Variants in ESD observed in about 807,000 individuals in gnomAD.
ESD encodes esterase D.
ESD carries 34 observed loss-of-function variants against 38.1 expected under a neutral mutation model. The ratio of observed to expected loss-of-function variants is 0.89; its 90% CI spans 0.68 to 1.19. The LOEUF is 1.19. Ranked by LOEUF, ESD falls within the 50% of genes most tolerant of loss-of-function variation. The pLI is 0.00. For missense variants in ESD, 334 were observed against 327.2 expected (o/e 1.02, Z -0.16); for synonymous variants, 97 against 107.0 (o/e 0.91, Z 0.58).
chr13:46,795,889 G>C (rs1875556965), intron 1 of ESD, among the ~76,000 whole-genome samples: 1 of 151,864 alleles, frequency 6.6e-6, no homozygotes, highest in South Asian at 2.1e-4. Context: ...GGAGTAGTTG[G>C]GACCACAGGT....
chr13:46,796,247 C>A (rs1335338039), intron 1 of ESD, among the ~76,000 whole-genome samples: 1 of 152,130 alleles, frequency 6.6e-6, no homozygotes, highest in African/African-American at 2.4e-5. Context: ...GGGGCCAGAC[C>A]CTCCGGGTTC....
chr13:46,786,811 T>A (rs1216951), intron 4 of ESD, among the ~76,000 whole-genome samples: 7,445 of 152,014 alleles, frequency 0.049, 574 homozygotes, highest in African/African-American at 0.16. Context: ...GCTAAATTAC[T>A]TGGTCTATTA....
intron 3 of ESD, chr13:46,790,565 TACAA>T (rs983571008): frequency 2.0e-5 from 3 of 152,352 alleles, no homozygotes; most frequent in Non-Finnish European, 1.5e-5. Context: ...TATTCCCCAG[TACAA>T]ACAGTTTACT....
chr13:46,779,837 G>T, intron 8 of ESD, 98 bp downstream of exon 8: 2 of 689,764 alleles, frequency 2.9e-6, no homozygotes, highest in African/African-American at 1.9e-5. Flanking sequence ...CAGCTCTAGA[G>T]CCCTAACATG....
intron 9 of ESD, among the ~76,000 whole-genome samples, chr13:46,773,213 G>A (rs147654500): frequency 2.6e-5 from 4 of 152,292 alleles, no homozygotes; most frequent in Non-Finnish European, 4.4e-5. Flanking sequence ...ACATATGTGT[G>A]CTTGTATCTT....
chr13:46,787,734 CAT>C (rs1169871183), intron 3 of ESD, among the ~76,000 whole-genome samples: 3 of 151,880 alleles, frequency 2.0e-5, no homozygotes, highest in Non-Finnish European at 4.4e-5. Context: ...TATGTAAGTA[CAT>C]AGTTTAAAGT....
chr13:46,781,893 T>A (rs1039766394), intron 6 of ESD, among the ~76,000 whole-genome samples: 8 of 151,812 alleles, frequency 5.3e-5, no homozygotes, highest in African/African-American at 1.9e-4. Context: ...ACCTAGTAAT[T>A]TCACTTTTTG....
chr13:46,772,878 G>A (rs1874657136), intron 9 of ESD, among the ~76,000 whole-genome samples: 2 of 152,098 alleles, frequency 1.3e-5, no homozygotes, highest in Non-Finnish European at 2.9e-5. Flanking sequence ...TAGAGACGGG[G>A]TTTCGCCATG....
chr13:46,771,402 T>G lies in ESD; in HGVS notation c.*14A>C. 1 of 1,547,880 alleles carries G rather than the reference T, an allele frequency of 6.5e-7. No homozygotes were observed. On this transcript the variant is annotated 3_prime_UTR_variant, in exon 10 of 10. Transcript: ENST00000378720. ...TTTTATAATCCTGAAGAGATTCTCT[T>G]ATTTGGAGTTTTTTCATGCATTCAG...
intron 5 of ESD, among the ~76,000 whole-genome samples, 173 bp from the exon 6 acceptor site, chr13:46,782,964 C>G (rs1045745935): frequency 1.3e-5 from 2 of 151,914 alleles, no homozygotes; most frequent in Non-Finnish European, 2.9e-5. Flanking sequence ...TCCTCTTGCC[C>G]TTGAATGGGG....
intron 1 of ESD, among the ~76,000 whole-genome samples, chr13:46,795,166 C>T (rs991325063): frequency 6.6e-6 from 1 of 152,068 alleles, no homozygotes; most frequent in African/African-American, 2.4e-5. Context: ...TTTTTGAATT[C>T]CCACTGCCAT....
At chr13:46,794,104 C>CA (rs1875490473) in intron 1 of ESD, among the ~76,000 whole-genome samples, 1 of 151,714 alleles carries the variant, frequency 6.6e-6, no homozygotes, top group East Asian at 1.9e-4. Flanking sequence ...AATAGGGTGA[C>CA]AGAGTAGGGT....
chr13:46,785,295 T>C (rs78099622), intron 4 of ESD, among the ~76,000 whole-genome samples: 1,876 of 152,114 alleles, frequency 0.012, 34 homozygotes, highest in African/African-American at 0.041. Flanking sequence ...TTATTGATCA[T>C]TTCACCAGTT....
chr13:46,791,370 A>G lies in ESD; in HGVS notation c.44T>C (p.Leu15Ser). The change falls in exon 3 of 10, where the codon TTG becomes TCG. Residue 15 changes from leucine (L) to serine (S), a missense_variant. Leu to Ser is a moderately radical substitution (Grantham distance 145). Coordinates refer to ENST00000378720, the MANE Select transcript of ESD (RefSeq NM_001984.2). The stretch of plus-strand genomic sequence containing the variant: ...CCTGTCATGTTCAAAAACTTTCTGC[A>G]ATCCCCCAAAGCACTTGTTGCTGGA... ...QISSNKCFGG[L>S]QKVFEHDSVE... 1 of 1,613,084 alleles carries G rather than the reference A, an allele frequency of 6.2e-7. No individual in the cohort carries two copies. Among genetic ancestry groups the G allele is most frequent in the Non-Finnish European group, 8.5e-7 (1 of 1,179,426 alleles).
intron 9 of ESD, 82 bp from the exon 10 acceptor site, chr13:46,771,578 C>T (rs1321791801): frequency 8.1e-6 from 7 of 859,312 alleles, no homozygotes; most frequent in East Asian, 2.6e-5. Flanking sequence ...TCTCTAAGGT[C>T]GTTTAATTTG....
chr13:46,789,324 C>T (rs963477816), intron 3 of ESD, among the ~76,000 whole-genome samples: 1 of 152,200 alleles, frequency 6.6e-6, no homozygotes, highest in Non-Finnish European at 1.5e-5. Context: ...TCTACTCTCA[C>T]TTAATTGACA....
intron 9 of ESD, 104 bp downstream of exon 9, chr13:46,777,352 G>C: frequency 1.1e-6 from 1 of 879,288 alleles, no homozygotes; most frequent in Admixed American, 2.9e-5. Context: ...AAACTTACTA[G>C]AAGTAGCATT....
At position 46,786,989 on chromosome 13, in the gene ESD, G is replaced by T. The variant is rs75587671; in HGVS notation, c.157+32C>A. On this transcript the variant is annotated intron_variant, in intron 4 of 9. Coordinates refer to ENST00000378720, the MANE Select transcript of ESD (RefSeq NM_001984.2). Reference sequence around the variant, plus strand: ...AGCCAGTTAAAAAGAAAATAGAAACGACTTTATAAAACTCAAATGCATAAT... The same window carrying T: ...AGCCAGTTAAAAAGAAAATAGAAACTACTTTATAAAACTCAAATGCATAAT... The T allele has an allele frequency of 1.7e-5, 23 of 1,329,316 alleles. No individual in the cohort carries two copies. In the African/African-American group the frequency reaches 3.1e-4, roughly 18 times the overall value. 82.3% of individuals were successfully genotyped at this position (1,329,316 alleles called of 1,614,324 possible).
At chr13:46,772,968 G>A (rs1208650116) in intron 9 of ESD, among the ~76,000 whole-genome samples, 1 of 152,174 alleles carries the variant, frequency 6.6e-6, no homozygotes, top group East Asian at 1.9e-4. Context: ...ACAGGCGTGA[G>A]CCACTGCGCC....
Sources: gnomAD v4.1 joint callset for allele counts (sites outside exome capture counted in the v4.1 genomes callset) on GRCh38, gnomAD v4.1.1 for gene constraint, MANE v1.5 for transcripts, NCBI Gene and HGNC (gene_info 2026-07-23, HGNC 2026-07-21) for gene names.